The following LRBA variants were observed in gnomAD, a reference collection of about 807,000 sequenced individuals.
LRBA encodes the protein lipopolysaccharide-responsive and beige-like anchor protein.
In LRBA, 176 loss-of-function variants were observed where a neutral mutation model predicts 330.0. The ratio of observed to expected loss-of-function variants is 0.53; its 90% CI spans 0.47 to 0.60. LRBA has a LOEUF of 0.60. Among genes scored for constraint, LRBA ranks in the 20% least tolerant of loss-of-function variants. LRBA has a pLI of 0.00. For synonymous variants in LRBA, 1,230 were observed against 1,193.0 expected (o/e 1.03, Z -0.64); for missense variants, 3,259 against 3,444.8 (o/e 0.95, Z 1.35).
chr4:150,914,129 T>C (rs530929069), intron 9 of LRBA, 66 bp downstream of exon 9: 4 of 1,328,886 alleles, frequency 3.0e-6, no homozygotes, highest in South Asian at 1.9e-5. Flanking sequence ...AAACTCTCCA[T>C]GTATAACCCA....
At chr4:150,324,869 A>G (rs1255901863) in intron 49 of LRBA, among the ~76,000 whole-genome samples, 1 of 152,192 alleles carries the variant, frequency 6.6e-6, no homozygotes, top group Non-Finnish European at 1.5e-5. Flanking sequence ...TTCCTTAAAA[A>G]TTATTTTAAT....
intron 42 of LRBA, among the ~76,000 whole-genome samples, chr4:150,472,265 T>G (rs111874028): frequency 4.6e-5 from 7 of 152,130 alleles, no homozygotes; most frequent in African/African-American, 1.7e-4. Context: ...GAAGACAAAT[T>G]TTCCTGTAGC....
At chr4:150,983,283 C>T (rs1741058969) in intron 2 of LRBA, among the ~76,000 whole-genome samples, 1 of 151,786 alleles carries the variant, frequency 6.6e-6, no homozygotes, top group Non-Finnish European at 1.5e-5. Context: ...ATGGCAAAAA[C>T]CATCTCTACA....
At chr4:150,458,293 A>G (rs963805716) in intron 44 of LRBA, among the ~76,000 whole-genome samples, 4 of 151,946 alleles carry the variant, frequency 2.6e-5, no homozygotes, top group Non-Finnish European at 5.9e-5. Flanking sequence ...TATAACATCC[A>G]TATACATATA....
At chr4:150,585,723 G>C (rs1194319848) in intron 40 of LRBA, among the ~76,000 whole-genome samples, 1 of 152,112 alleles carries the variant, frequency 6.6e-6, no homozygotes, top group Non-Finnish European at 1.5e-5. Context: ...CTTTGTATTA[G>C]CCCAGGTTTT....
intron 47 of LRBA, among the ~76,000 whole-genome samples, chr4:150,367,576 A>G (rs1323018112): frequency 6.6e-6 from 1 of 152,232 alleles, no homozygotes; most frequent in East Asian, 1.9e-4. Flanking sequence ...CAGCGTAAGT[A>G]GCACATGTAA....
intron 47 of LRBA, among the ~76,000 whole-genome samples, chr4:150,391,326 A>C (rs1333358213): frequency 6.6e-6 from 1 of 152,222 alleles, no homozygotes; most frequent in South Asian, 2.1e-4. Context: ...TACTTCAGGA[A>C]GAAACTTTCC....
At chr4:150,907,876 C>T (rs942724488) in intron 11 of LRBA, among the ~76,000 whole-genome samples, 3 of 151,934 alleles carry the variant, frequency 2.0e-5, no homozygotes, top group East Asian at 3.9e-4. Context: ...TAATTCACTT[C>T]GATAACACTA....
At chr4:150,633,769 G>A (rs182226377) in intron 37 of LRBA, among the ~76,000 whole-genome samples, 7 of 152,176 alleles carry the variant, frequency 4.6e-5, no homozygotes, top group Non-Finnish European at 1.0e-4. Flanking sequence ...CACTATCCAC[G>A]TTCCAGCTAT....
At chr4:150,617,264 G>T (rs1561429009) in intron 37 of LRBA, among the ~76,000 whole-genome samples, 1 of 152,132 alleles carries the variant, frequency 6.6e-6, no homozygotes, top group Non-Finnish European at 1.5e-5. Flanking sequence ...ATGATTTAAC[G>T]ATAAAACACT....
At position 150,916,824 on chromosome 4, in the gene LRBA, A is replaced by G. The variant is rs756439077; in HGVS notation, c.646-86T>C. The G allele has an allele frequency of 1.3e-4, 132 of 1,027,206 alleles. 1 individual carries two copies. The highest frequency in any genetic ancestry group is 1.7e-4 in the Non-Finnish European group (118 of 712,758). The allele number at this position is 1,027,206 out of a possible 1,614,324, so 63.6% of individuals were successfully genotyped here. A position where few individuals can be genotyped will look rare whatever the true frequency, so the allele number is the denominator to read the frequency against. On this transcript the variant is annotated intron_variant, in intron 5 of 56. Transcript: ENST00000651943. ...AAAATAAGACTTTGCAATGCTACAT[A>G]TATTTGTACTACATCACATTACTTT...
chr4:150,991,086 AAAGAGGAGGAAGAGGAGGATG>A (rs1231181004), intron 2 of LRBA, among the ~76,000 whole-genome samples: 1 of 152,012 alleles, frequency 6.6e-6, no homozygotes, highest in Non-Finnish European at 1.5e-5. Context: ...CGAAGAAGAA[AAAGAGGAGGAAGAGGAGGATG>A]AAGAGGAGGA....
intron 48 of LRBA, among the ~76,000 whole-genome samples, chr4:150,331,463 G>C (rs551252752): frequency 1.2e-3 from 178 of 152,208 alleles, no homozygotes; most frequent in South Asian, 2.1e-3. Flanking sequence ...TTTTGTTATG[G>C]AATAGGATAA....
intron 17 of LRBA, among the ~76,000 whole-genome samples, chr4:150,876,924 TA>T (rs941189344): frequency 6.6e-6 from 1 of 151,624 alleles, no homozygotes; most frequent in Non-Finnish European, 1.5e-5. Context: ...GCATATTGGA[TA>T]AAAAAAACAA....
intron 36 of LRBA, among the ~76,000 whole-genome samples, chr4:150,705,807 T>C (rs1436058050): frequency 6.6e-6 from 1 of 151,930 alleles, no homozygotes; most frequent in African/African-American, 2.4e-5. Flanking sequence ...TGATAAAGCA[T>C]ATATATATAC....
chr4:150,827,245 C>T (rs1746406139), intron 30 of LRBA, among the ~76,000 whole-genome samples: 1 of 152,222 alleles, frequency 6.6e-6, no homozygotes, highest in Non-Finnish European at 1.5e-5. Context: ...CTGCTTTTAA[C>T]TTCTTTTATG....
chr4:150,821,207 G>A (rs1013840113), intron 30 of LRBA, among the ~76,000 whole-genome samples: 4 of 152,060 alleles, frequency 2.6e-5, no homozygotes, highest in Non-Finnish European at 5.9e-5. Flanking sequence ...CTGAAAGATA[G>A]ACAACCAATT....
chr4:150,897,580 C>T (rs1730227572), intron 15 of LRBA, among the ~76,000 whole-genome samples, 159 bp downstream of exon 15: 1 of 151,742 alleles, frequency 6.6e-6, no homozygotes, highest in Non-Finnish European at 1.5e-5. Context: ...ATATAGGCTC[C>T]AAAAAAGAAC....
At chr4:150,943,100 G>C (rs957004741) in intron 2 of LRBA, among the ~76,000 whole-genome samples, 4 of 152,078 alleles carry the variant, frequency 2.6e-5, no homozygotes, top group African/African-American at 7.2e-5. Context: ...GTCTACAAAA[G>C]TGTTAAGAAA....
Sources: gnomAD v4.1 joint callset for allele counts (sites outside exome capture counted in the v4.1 genomes callset) on GRCh38, gnomAD v4.1.1 for gene constraint, MANE v1.5 for transcripts, NCBI Gene and HGNC (gene_info 2026-07-23, HGNC 2026-07-21) for gene names.